The following SYT9 variants were observed in gnomAD, a reference collection of about 807,000 sequenced individuals.
The protein encoded by SYT9 is synaptotagmin 9.
A neutral mutation model predicts 48.4 loss-of-function variants in SYT9; 22 were observed. The ratio of observed to expected loss-of-function variants is 0.45; its 90% CI spans 0.32 to 0.65. The LOEUF is 0.65. SYT9 is among the 30% of genes least tolerant of loss of function. The pLI is 0.03. For synonymous variants in SYT9, 265 were observed against 245.0 expected (o/e 1.08, Z -0.76); for missense variants, 577 against 622.0 (o/e 0.93, Z 0.77).
chr11:7,251,132 A>ACACACACACACC (rs146134507), upstream of SYT9, among the ~76,000 whole-genome samples: 302 of 127,956 alleles, frequency 2.4e-3, 1 homozygote, highest in African/African-American at 6.4e-3. Flanking sequence ...ACACACACAC[A>ACACACACACACC]CCCAGAGTAC....
rs142593202 is a variant in SYT9, at chr11:7,340,067, T to A, written c.1044+26126T>A. Among the ~76,000 whole-genome samples the A allele has an allele frequency of 3.9e-3, 595 of 152,338 alleles. 3 individuals are homozygous for A. The highest frequency in any genetic ancestry group is 0.013 in the African/African-American group (545 of 41,584). On this transcript the variant is annotated intron_variant, in intron 3 of 6. Coordinates refer to ENST00000318881, the MANE Select transcript of SYT9 (RefSeq NM_175733.4). ...TTTTGTTTGTTCCTTTTCATTGTTT[T>A]TTTCTTTATTTTTGTCTGACTGCCT...
intron 2 of SYT9, among the ~76,000 whole-genome samples, chr11:7,310,858 C>A (rs1375490185): frequency 6.6e-6 from 1 of 152,158 alleles, no homozygotes; most frequent in Non-Finnish European, 1.5e-5. Flanking sequence ...CATCAACAAC[C>A]CCCGCCTCCC....
At chr11:7,336,718 G>C (rs1849636984) in intron 3 of SYT9, among the ~76,000 whole-genome samples, 1 of 152,066 alleles carries the variant, frequency 6.6e-6, no homozygotes, top group Non-Finnish European at 1.5e-5. Flanking sequence ...TTTTGTACCA[G>C]TATCATGCTG....
rs1323345880 is a variant in SYT9, at chr11:7,303,074, G to T, written c.181G>T (p.Ala61Ser). 6.2e-7 allele frequency: 1 copy of T among 1,614,182 alleles called. No homozygotes were observed. The change falls in exon 2 of 7, where the codon GCC becomes TCC. Residue 61 changes from alanine (A) to serine (S), a missense_variant. Ala to Ser is a moderately conservative substitution (Grantham distance 99). Coordinates refer to ENST00000318881, the MANE Select transcript of SYT9 (RefSeq NM_175733.4). ...SVSLLTLVVTACGLALFGVSL... is the reference protein window; with the variant it reads ...SVSLLTLVVTSCGLALFGVSL... ...GAGCCTGCTGACCCTTGTGGTCACT[G>T]CCTGTGGTCTCGCTCTCTTTGGCGT...
At chr11:7,312,215 G>A (rs375444815) in intron 2 of SYT9, among the ~76,000 whole-genome samples, 1 of 152,172 alleles carries the variant, frequency 6.6e-6, no homozygotes, top group East Asian at 1.9e-4. Context: ...TATCTGTGGT[G>A]ACAAGGGAGA....
At chr11:7,255,380 CATTA>C (rs1348919626) in intron 1 of SYT9, among the ~76,000 whole-genome samples, 1 of 107,704 alleles carries the variant, frequency 9.3e-6, no homozygotes, top group Non-Finnish European at 2.1e-5. Context: ...TCTTGTAAAC[CATTA>C]TAAAGACTTT....
chr11:7,255,531 A>G (rs1847952371), intron 1 of SYT9, among the ~76,000 whole-genome samples: 1 of 152,192 alleles, frequency 6.6e-6, no homozygotes, highest in African/African-American at 2.4e-5. Context: ...ATCCAGACAG[A>G]GGTGATAGTG....
chr11:7,453,948 T>G, intron 6 of SYT9: 10 of 978,338 alleles, frequency 1.0e-5, no homozygotes, highest in Non-Finnish European at 1.2e-5. Context: ...GAAGAGGCCT[T>G]AAGCCCAGTC....
chr11:7,348,648 A>G (rs749246144), intron 3 of SYT9, among the ~76,000 whole-genome samples: 6 of 124,838 alleles, frequency 4.8e-5, no homozygotes, highest in Non-Finnish European at 6.5e-5. Context: ...GGCTATCTTT[A>G]GCATTTAATC....
chr11:7,456,023 C>A (rs757498545), intron 6 of SYT9, among the ~76,000 whole-genome samples: 5 of 152,106 alleles, frequency 3.3e-5, no homozygotes, highest in Non-Finnish European at 7.4e-5. Context: ...GTGAGCAATG[C>A]CCCATTTGGA....
At chr11:7,306,676 C>A (rs978347181) in intron 2 of SYT9, among the ~76,000 whole-genome samples, 1 of 152,146 alleles carries the variant, frequency 6.6e-6, no homozygotes, top group African/African-American at 2.4e-5. Flanking sequence ...TTCCCTTACA[C>A]CCTAGCTGAA....
At chr11:7,305,220 T>C (rs1183740906) in intron 2 of SYT9, among the ~76,000 whole-genome samples, 2 of 152,248 alleles carry the variant, frequency 1.3e-5, no homozygotes, top group East Asian at 3.8e-4. Context: ...AGATTTATTT[T>C]AGTTTTGAAG....
chr11:7,386,452 A>G (rs1589989138), intron 3 of SYT9, among the ~76,000 whole-genome samples: 1 of 3,338 alleles, frequency 3.0e-4, no homozygotes, highest in South Asian at 4.3e-3. Context: ...AATTTACAAG[A>G]AAAAAAAAAA....
intron 6 of SYT9, among the ~76,000 whole-genome samples, chr11:7,429,336 C>T (rs1250542052): frequency 6.6e-6 from 1 of 152,194 alleles, no homozygotes; most frequent in Non-Finnish European, 1.5e-5. Context: ...GATGCTCTCT[C>T]TTTCTTGTTG....
intron 3 of SYT9, among the ~76,000 whole-genome samples, chr11:7,394,501 G>GGTATTTCTA (rs982402348): frequency 1.2e-4 from 19 of 152,194 alleles, no homozygotes; most frequent in Admixed American, 9.2e-4. Context: ...TGGGTCAAAT[G>GGTATTTCTA]GTATTTCTAG....
Position 7,313,713 on chromosome 11 carries a change from C to T in SYT9, c.816C>T (p.His272=), listed in dbSNP as rs1386383408. 1.9e-6 allele frequency: 3 copies of T among 1,614,180 alleles called. No individual in the cohort carries two copies. In the South Asian group the frequency reaches 3.3e-5, roughly 18 times the overall value. ...IYLLPDRKTK[H]QTKVHRKTLN... is the part of the protein sequence containing the mutation. ...TGCTTCCTGATCGGAAAACAAAACA[C>T]CAGACTAAAGTTCACAGAAAGACCC... The change falls in exon 3 of 7, where the codon CAC becomes CAT. Residue 272 remains histidine, a synonymous_variant. Coordinates refer to ENST00000318881, the MANE Select transcript of SYT9 (RefSeq NM_175733.4).
At chr11:7,402,831 T>C (rs955937494) in intron 3 of SYT9, among the ~76,000 whole-genome samples, 17 of 152,184 alleles carry the variant, frequency 1.1e-4, no homozygotes, top group African/African-American at 3.9e-4. Flanking sequence ...TTGAATGTAA[T>C]TGTCAATGTT....
chr11:7,296,966 A>G (rs146217378), intron 1 of SYT9, among the ~76,000 whole-genome samples: 2 of 152,190 alleles, frequency 1.3e-5, no homozygotes, highest in Non-Finnish European at 2.9e-5. Flanking sequence ...CTGATTTTCT[A>G]ACTAAATTTC....
chr11:7,263,131 A>G (rs955020081), intron 1 of SYT9, among the ~76,000 whole-genome samples: 6 of 152,232 alleles, frequency 3.9e-5, no homozygotes, highest in Admixed American at 1.3e-4. Context: ...CAAAAAATCT[A>G]GATGAGCTTA....
Sources: allele counts gnomAD v4.1 joint callset (sites outside exome capture counted in the v4.1 genomes callset), GRCh38; gene constraint gnomAD v4.1.1; transcripts MANE v1.5; gene names NCBI Gene and HGNC (gene_info 2026-07-23, HGNC 2026-07-21).